Variants in FAM83B observed in about 807,000 individuals in gnomAD.
The protein encoded by FAM83B is scaffolding CK1 anchoring protein B.
A neutral mutation model predicts 38.8 loss-of-function variants in FAM83B; 26 were observed. The ratio of observed to expected loss-of-function variants is 0.67; its 90% CI spans 0.49 to 0.93. FAM83B has a LOEUF of 0.93. Ranked by LOEUF, FAM83B falls within the 40% of genes least tolerant of loss-of-function variation. The pLI, the probability that FAM83B is intolerant of heterozygous loss-of-function variation, is 0.00. For missense variants in FAM83B, 1,237 were observed against 1,197.3 expected (o/e 1.03, Z -0.49); for synonymous variants, 419 against 423.1 (o/e 0.99, Z 0.12).
rs754347466 is a variant in FAM83B at position 54,941,248 on chromosome 6, G to A, written c.2277G>A (p.Lys759=). The stretch of plus-strand genomic sequence containing the variant: ...CTAACAAAGAACTTGCTTCAAAGAA[G>A]GAAGTTAAGGGTTCCCCAAGTTTTT... ...EESNKELASK[K]EVKGSPSFLK... Residue 759 remains lysine (K), a synonymous_variant, in exon 5 of 5, where the codon AAG becomes AAA. Transcript: ENST00000306858. 1 of 1,612,634 alleles carries A rather than the reference G, an allele frequency of 6.2e-7. No homozygotes were observed. The highest frequency in any genetic ancestry group is 1.7e-5 in the Admixed American group (1 of 59,692).
intron 2 of FAM83B, among the ~76,000 whole-genome samples, chr6:54,876,597 A>G (rs181053408): frequency 6.6e-6 from 1 of 151,886 alleles, no homozygotes; most frequent in African/African-American, 2.4e-5. Flanking sequence ...CGAATTACAG[A>G]CATGAGCCAC....
chr6:54,897,688 A>G (rs1772570981), intron 2 of FAM83B, among the ~76,000 whole-genome samples: 1 of 152,206 alleles, frequency 6.6e-6, no homozygotes. Flanking sequence ...ATGATTCAGT[A>G]AAAAAGAAAT....
Position 54,941,732 on chromosome 6 carries a change from A to T in FAM83B, c.2761A>T (p.Ser921Cys). The T allele has an allele frequency of 6.2e-7, 1 of 1,614,166 alleles. No homozygotes were observed. The highest frequency in any genetic ancestry group is 2.2e-5 in the East Asian group (1 of 44,880). ...RPTSSPRPTS[S>C]ELLRSHSTDR... is the part of the protein sequence containing the mutation. The stretch of plus-strand genomic sequence containing the variant: ...TACTTCTTCTCCAAGGCCAACGTCC[A>T]GTGAGCTTCTACGATCTCATTCAAC... Residue 921 changes from serine to cysteine, a missense_variant, in exon 5 of 5, where the codon AGT becomes TGT. Physicochemically the swap from Ser to Cys is moderately radical, Grantham distance 112. Coordinates refer to ENST00000306858, the MANE Select transcript of FAM83B (RefSeq NM_001010872.3).
intron 1 of FAM83B, among the ~76,000 whole-genome samples, chr6:54,852,399 T>G (rs2127571289): frequency 6.6e-6 from 1 of 152,308 alleles, no homozygotes; most frequent in Non-Finnish European, 1.5e-5. Context: ...ATGTTACTCT[T>G]GTAATTTTTT....
At chr6:54,922,093 A>AT (rs1346133072) in intron 2 of FAM83B, among the ~76,000 whole-genome samples, 1 of 151,996 alleles carries the variant, frequency 6.6e-6, no homozygotes, top group Non-Finnish European at 1.5e-5. Context: ...TTATTTTGTC[A>AT]TGCAAGAAAG....
intron 2 of FAM83B, among the ~76,000 whole-genome samples, chr6:54,905,269 G>A (rs1772753024): frequency 6.6e-6 from 1 of 152,156 alleles, no homozygotes; most frequent in Admixed American, 6.5e-5. Flanking sequence ...TACTGACTGG[G>A]TGGCAGGAAT....
intron 2 of FAM83B, among the ~76,000 whole-genome samples, chr6:54,874,178 T>C (rs1225211886): frequency 6.6e-6 from 1 of 152,118 alleles, no homozygotes. Flanking sequence ...ATCTTTATAG[T>C]ATTTCAAAAA....
At chr6:54,925,325 T>C (rs1272830023) in intron 2 of FAM83B, among the ~76,000 whole-genome samples, 1 of 152,176 alleles carries the variant, frequency 6.6e-6, no homozygotes, top group Non-Finnish European at 1.5e-5. Context: ...TTATTACTTA[T>C]TATGTCTTCC....
At chr6:54,849,983 C>G in intron 1 of FAM83B, among the ~76,000 whole-genome samples, 1 of 152,142 alleles carries the variant, frequency 6.6e-6, no homozygotes, top group Non-Finnish European at 1.5e-5. Flanking sequence ...CTCTTTTACA[C>G]TATCCCTTTG....
At chr6:54,902,820 C>T (rs1772692249) in intron 2 of FAM83B, among the ~76,000 whole-genome samples, 1 of 152,136 alleles carries the variant, frequency 6.6e-6, no homozygotes, top group Non-Finnish European at 1.5e-5. Flanking sequence ...ACTGTACTTG[C>T]TCTCTCTCTG....
chr6:54,945,011 T>A lies in FAM83B; in HGVS notation c.*3004T>A, dbSNP rs891885192. On this transcript the variant is annotated 3_prime_UTR_variant, in exon 5 of 5. Transcript: ENST00000306858. ...CCTGAGTAGCTCAACATTTTATGTATGTACGATATTATAAAGAAATATTCT... is the reference window on the plus strand; with the variant it reads ...CCTGAGTAGCTCAACATTTTATGTAAGTACGATATTATAAAGAAATATTCT... 2 of 152,188 alleles carry A rather than the reference T, an allele frequency of 1.3e-5. No homozygotes were observed. The allele number at this position is 152,188 out of a possible 1,614,324, so 9.4% of individuals were successfully genotyped here. A position where few individuals can be genotyped will look rare whatever the true frequency, so the allele number is the denominator to read the frequency against.
intron 2 of FAM83B, among the ~76,000 whole-genome samples, chr6:54,881,858 C>T (rs188207044): frequency 6.6e-6 from 1 of 152,306 alleles, no homozygotes; most frequent in East Asian, 1.9e-4. Flanking sequence ...TGGTGTGCTG[C>T]ACCCGTTAAC....
chr6:54,878,293 A>G (rs1228338290), intron 2 of FAM83B, among the ~76,000 whole-genome samples: 1 of 152,216 alleles, frequency 6.6e-6, no homozygotes. Flanking sequence ...CTGAGAATAC[A>G]TAGGTGATTA....
At chr6:54,885,743 C>G (rs1272888703) in intron 2 of FAM83B, among the ~76,000 whole-genome samples, 1 of 148,754 alleles carries the variant, frequency 6.7e-6, no homozygotes, top group South Asian at 2.1e-4. Flanking sequence ...CGCACGTTCT[C>G]ACTCATAGGT....
chr6:54,880,155 A>G (rs1303568835), intron 2 of FAM83B, among the ~76,000 whole-genome samples: 1 of 152,230 alleles, frequency 6.6e-6, no homozygotes, highest in East Asian at 1.9e-4. Flanking sequence ...GATGGGGGGA[A>G]AAGCCCACTT....
chr6:54,910,507 G>A (rs778965610), intron 2 of FAM83B, among the ~76,000 whole-genome samples: 2 of 152,110 alleles, frequency 1.3e-5, no homozygotes, highest in Admixed American at 6.5e-5. Flanking sequence ...TGCCTTTCTG[G>A]TGGTCACCAG....
intron 2 of FAM83B, 27 bp from the exon 3 acceptor site, chr6:54,926,344 A>T: frequency 6.9e-7 from 1 of 1,444,916 alleles, no homozygotes; most frequent in Non-Finnish European, 9.4e-7. Flanking sequence ...AGGATCTAAA[A>T]TTGTTTCATA....
chr6:54,921,890 T>TA (rs112085812), intron 2 of FAM83B, among the ~76,000 whole-genome samples: 25 of 149,874 alleles, frequency 1.7e-4, no homozygotes, highest in South Asian at 4.2e-4. Context: ...ACCCATCATT[T>TA]AAAAAAAAAA....
chr6:54,879,840 T>A (rs529285214), intron 2 of FAM83B, among the ~76,000 whole-genome samples: 11 of 152,294 alleles, frequency 7.2e-5, no homozygotes, highest in Non-Finnish European at 1.3e-4. Flanking sequence ...GTTGGGATAA[T>A]GGTCAGCAAC....
Sources: gnomAD v4.1 joint callset for allele counts (sites outside exome capture counted in the v4.1 genomes callset) on GRCh38, gnomAD v4.1.1 for gene constraint, MANE v1.5 for transcripts, NCBI Gene and HGNC (gene_info 2026-07-23, HGNC 2026-07-21) for gene names.